The following GRIP1 variants were observed in gnomAD, a reference collection of about 807,000 sequenced individuals.
GRIP1 encodes glutamate receptor-interacting protein 1.
Under a neutral mutation model 129.9 loss-of-function variants are expected in GRIP1, and 45 were observed. The observed-to-expected ratio is 0.35, with a 90% CI of 0.27 to 0.44. The LOEUF (loss-of-function observed/expected upper bound fraction) is 0.44, where lower values mean the gene tolerates loss of function less well. Among genes scored for constraint, GRIP1 ranks in the 20% least tolerant of loss-of-function variants. The pLI is 1.00. For missense variants in GRIP1, 1,196 were observed against 1,396.8 expected (o/e 0.86, Z 2.29); for synonymous variants, 530 against 520.8 (o/e 1.02, Z -0.24).
At chr12:66,456,645 T>C (rs1013072181) in intron 9 of GRIP1, among the ~76,000 whole-genome samples, 2 of 140,242 alleles carry the variant, frequency 1.4e-5, no homozygotes, top group South Asian at 4.4e-4. Context: ...GCTTTGCAGC[T>C]GAGATTAAGA....
At chr12:66,746,739 A>G (rs569667306) in intron 1 of GRIP1, among the ~76,000 whole-genome samples, 1 of 152,338 alleles carries the variant, frequency 6.6e-6, no homozygotes, top group South Asian at 2.1e-4. Context: ...TTAAAATAAG[A>G]TCTCAGGTAC....
intron 1 of GRIP1, among the ~76,000 whole-genome samples, chr12:66,812,243 C>T (rs2039118142): frequency 6.6e-6 from 1 of 152,186 alleles, no homozygotes; most frequent in African/African-American, 2.4e-5. Flanking sequence ...AAGCAATTCT[C>T]CAGCCTCAGC....
intron 1 of GRIP1, among the ~76,000 whole-genome samples, chr12:67,039,015 ATAAACACACAC>A (rs1277491708): frequency 1.6e-5 from 1 of 61,942 alleles, no homozygotes; most frequent in African/African-American, 4.1e-5. Flanking sequence ...GTCACAAATA[ATAAACACACAC>A]ACACACACAC....
chr12:66,536,383 A>C (rs540810931), intron 4 of GRIP1, among the ~76,000 whole-genome samples: 183 of 151,656 alleles, frequency 1.2e-3, no homozygotes, highest in Middle Eastern at 3.4e-3. Context: ...GTGATACCCC[A>C]CCCCCTTACA....
intron 7 of GRIP1, among the ~76,000 whole-genome samples, chr12:66,489,815 C>G (rs1263744097): frequency 6.6e-6 from 1 of 151,850 alleles, no homozygotes; most frequent in Non-Finnish European, 1.5e-5. Context: ...ATTCCTAACA[C>G]CAACAACAAA....
intron 1 of GRIP1, among the ~76,000 whole-genome samples, chr12:66,950,578 A>T (rs1003962179): frequency 3.9e-5 from 6 of 152,178 alleles, no homozygotes; most frequent in African/African-American, 1.2e-4. Flanking sequence ...AATAGCATAA[A>T]ATAGAAAAGA....
intron 15 of GRIP1, among the ~76,000 whole-genome samples, chr12:66,419,421 T>C (rs918098549): frequency 3.9e-5 from 6 of 152,102 alleles, no homozygotes; most frequent in African/African-American, 1.4e-4. Flanking sequence ...AGTAATTTAA[T>C]TGTACACTTA....
At chr12:66,514,935 C>T (rs1325268541) in intron 7 of GRIP1, among the ~76,000 whole-genome samples, 1 of 151,928 alleles carries the variant, frequency 6.6e-6, no homozygotes, top group Admixed American at 6.6e-5. Flanking sequence ...TTTCAAGTTC[C>T]AATTCATTCT....
chr12:66,661,470 A>T (rs1340084707), intron 1 of GRIP1, among the ~76,000 whole-genome samples: 1 of 80,112 alleles, frequency 1.2e-5, no homozygotes, highest in East Asian at 2.9e-4. Flanking sequence ...AAAAAAAAAA[A>T]AAAGGTGGAG....
intron 1 of GRIP1, among the ~76,000 whole-genome samples, chr12:66,928,103 T>C (rs933030920): frequency 2.6e-5 from 4 of 152,228 alleles, no homozygotes; most frequent in African/African-American, 9.6e-5. Context: ...CGGACTTCAG[T>C]TGTGTTTGAT....
intron 1 of GRIP1, among the ~76,000 whole-genome samples, chr12:66,856,716 G>A (rs1488668036): frequency 6.6e-6 from 1 of 151,420 alleles, no homozygotes; most frequent in Non-Finnish European, 1.5e-5. Flanking sequence ...TAAAAAGTCA[G>A]GAAACAACAG....
upstream of GRIP1, among the ~76,000 whole-genome samples, chr12:66,806,293 T>A (rs1230156773): frequency 6.6e-6 from 1 of 152,188 alleles, no homozygotes; most frequent in Admixed American, 6.5e-5. Context: ...GTTCAGAGAT[T>A]ATTTTGTCTA....
intron 2 of GRIP1, among the ~76,000 whole-genome samples, chr12:66,587,299 C>T (rs1428402307): frequency 6.6e-6 from 1 of 152,246 alleles, no homozygotes; most frequent in Non-Finnish European, 1.5e-5. Flanking sequence ...TTCAGGCTTA[C>T]TCCAAAGTCA....
At chr12:66,803,990 C>CA in intron 1 of GRIP1, 1 of 394,820 alleles carries the variant, frequency 2.5e-6, no homozygotes, top group Non-Finnish European at 5.1e-6. Context: ...TAAGGCTCCA[C>CA]ACAAGGTTTA....
At chr12:66,411,269 C>T (rs1243634491) in intron 15 of GRIP1, among the ~76,000 whole-genome samples, 1 of 152,092 alleles carries the variant, frequency 6.6e-6, no homozygotes, top group Non-Finnish European at 1.5e-5. Context: ...GACAGAGCTC[C>T]CAGAGGAAGG....
At chr12:66,807,020 A>C (rs1347894926), upstream of GRIP1, among the ~76,000 whole-genome samples, 2 of 152,132 alleles carry the variant, frequency 1.3e-5, no homozygotes, top group Admixed American at 6.5e-5. Context: ...GGGGAGGTCC[A>C]CTTGGGTCAC....
At chr12:66,837,212 C>T (rs2039630197) in intron 1 of GRIP1, among the ~76,000 whole-genome samples, 1 of 152,182 alleles carries the variant, frequency 6.6e-6, no homozygotes. Context: ...CATAACAGGC[C>T]TGCGGGATGC....
chr12:66,830,083 T>C (rs1052876797), intron 1 of GRIP1, among the ~76,000 whole-genome samples: 2 of 152,110 alleles, frequency 1.3e-5, no homozygotes, highest in African/African-American at 4.8e-5. Flanking sequence ...AATAATCACA[T>C]AGCTAGTATG....
intron 15 of GRIP1, among the ~76,000 whole-genome samples, chr12:66,419,365 A>T (rs2057722592): frequency 6.6e-6 from 1 of 152,132 alleles, no homozygotes; most frequent in Admixed American, 6.6e-5. Flanking sequence ...AAATAGAATG[A>T]CTAAGACCTA....
Sources: gnomAD v4.1 joint callset for allele counts (sites outside exome capture counted in the v4.1 genomes callset) on GRCh38, gnomAD v4.1.1 for gene constraint, MANE v1.5 for transcripts, NCBI Gene and HGNC (gene_info 2026-07-23, HGNC 2026-07-21) for gene names.